The following LRP1B variants were observed in gnomAD, a reference collection of about 807,000 sequenced individuals.
LRP1B encodes LDL receptor related protein 1B.
LRP1B carries 217 observed loss-of-function variants against 556.6 expected under a neutral mutation model. The observed-to-expected ratio is 0.39, with a 90% CI of 0.35 to 0.44. The LOEUF (loss-of-function observed/expected upper bound fraction) is 0.44, where lower values mean the gene tolerates loss of function less well. Ranked by LOEUF, LRP1B falls within the 20% of genes least tolerant of loss-of-function variation. The probability of loss-of-function intolerance (pLI) is 1.00; values close to 1 mark genes in which losing one functional copy is unlikely to be tolerated. For missense variants in LRP1B, 5,053 were observed against 5,620.8 expected, an observed-to-expected ratio of 0.90 and a Z score of 3.23; for synonymous variants, 2,047 against 1,865.8, an observed-to-expected ratio of 1.10 and a Z score of -2.50.
At chr2:140,931,699 T>G (rs1400825079) in intron 20 of LRP1B, among the ~76,000 whole-genome samples, 2 of 152,126 alleles carry the variant, frequency 1.3e-5, no homozygotes, top group Admixed American at 6.6e-5. Context: ...CGAAGCAAAA[T>G]CTACATAAAA....
intron 66 of LRP1B, among the ~76,000 whole-genome samples, chr2:140,415,204 G>T (rs769637018): frequency 4.8e-4 from 73 of 151,824 alleles, no homozygotes; most frequent in Non-Finnish European, 9.0e-4. Context: ...GACAATACTT[G>T]CACTGCTGAA....
At chr2:140,783,787 G>A (rs1056005246) in intron 32 of LRP1B, among the ~76,000 whole-genome samples, 1 of 152,144 alleles carries the variant, frequency 6.6e-6, no homozygotes, top group Non-Finnish European at 1.5e-5. Flanking sequence ...CCAAGGGAGT[G>A]TCTTTCCTCA....
At chr2:141,508,790 A>G (rs550191427) in intron 2 of LRP1B, among the ~76,000 whole-genome samples, 105 of 152,280 alleles carry the variant, frequency 6.9e-4, no homozygotes, top group Non-Finnish European at 1.3e-3. Context: ...TTTGTATATT[A>G]GGAAGGCGGA....
At chr2:141,287,977 TATATGTATGTGTGGTGTGATGGCACC>T (rs1685784581) in intron 3 of LRP1B, among the ~76,000 whole-genome samples, 1 of 152,278 alleles carries the variant, frequency 6.6e-6, no homozygotes, top group Non-Finnish European at 1.5e-5. Flanking sequence ...AAACTGTGTT[TATATGTATGTGTGGTGTGATGGCACC>T]AGTGATTACA....
intron 1 of LRP1B, among the ~76,000 whole-genome samples, chr2:142,115,499 A>ATATTATATATTACATATATAAT (rs1559079373): frequency 1.2e-5 from 1 of 84,980 alleles, no homozygotes; most frequent in East Asian, 3.4e-4. Context: ...AATTATATAT[A>ATATTATATATTACATATATAAT]ATATATATTA....
At position 140,968,010 on chromosome 2, in the gene LRP1B, G is replaced by GTTGTATGTCTT. The variant is rs1482436778; in HGVS notation, c.2887+14149_2887+14150insAAGACATACAA. On this transcript the variant is annotated intron_variant, in intron 18 of 90. Coordinates refer to ENST00000389484, the MANE Select transcript of LRP1B (RefSeq NM_018557.3). Reference sequence around the variant, plus strand: ...TATTGGTCTAAAATTCTCTTTTTTTGCCAGGCTTTGGTATCAAGATGATGC... The same window carrying GTTGTATGTCTT: ...TATTGGTCTAAAATTCTCTTTTTTTGTTGTATGTCTTCCAGGCTTTGGTATCAAGATGATGC... Among the ~76,000 whole-genome samples the GTTGTATGTCTT allele has an allele frequency of 7.6e-5, 4 of 52,378 alleles. 1 individual carries two copies. The highest frequency in any genetic ancestry group is 1.8e-4 in the Non-Finnish European group (4 of 22,800). 34.4% of individuals were successfully genotyped at this position (52,378 alleles called of 152,430 possible).
chr2:141,321,149 G>A (rs988660008), intron 3 of LRP1B, among the ~76,000 whole-genome samples: 4 of 152,062 alleles, frequency 2.6e-5, no homozygotes, highest in Admixed American at 2.0e-4. Flanking sequence ...AGAATAAAGG[G>A]CATAAAGAGC....
chr2:141,172,072 G>A (rs1401652619), intron 7 of LRP1B, among the ~76,000 whole-genome samples: 1 of 152,120 alleles, frequency 6.6e-6, no homozygotes, highest in Non-Finnish European at 1.5e-5. Context: ...TTCGTGTTTA[G>A]ATAAATGATG....
rs2104892101 is a variant in LRP1B at position 140,501,879 on chromosome 2, A to G, written c.8663-5T>C. ...ATGAACTGTTGCATGACTGTTCTGG[A>G]AAAAAAATAAAACAAATGGAACATA... On this transcript the variant is annotated splice_region_variant and splice_polypyrimidine_tract_variant and intron_variant, in intron 54 of 90. Coordinates refer to ENST00000389484, the MANE Select transcript of LRP1B (RefSeq NM_018557.3). 1 of 1,570,160 alleles carries G rather than the reference A, an allele frequency of 6.4e-7. No homozygotes were observed. Among genetic ancestry groups the G allele is most frequent in the African/African-American group, 1.4e-5 (1 of 72,820 alleles).
intron 2 of LRP1B, among the ~76,000 whole-genome samples, chr2:141,647,361 C>T (rs1006052631): frequency 2.0e-5 from 3 of 152,100 alleles, no homozygotes; most frequent in Non-Finnish European, 4.4e-5. Flanking sequence ...ATAGAGGAAG[C>T]GTTTTCCACC....
intron 59 of LRP1B, among the ~76,000 whole-genome samples, chr2:140,484,399 A>T (rs537395286): frequency 6.6e-6 from 1 of 152,326 alleles, no homozygotes; most frequent in South Asian, 2.1e-4. Flanking sequence ...ATATGGTATG[A>T]TAAAAGCTGT....
At chr2:140,544,368 G>A (rs1281326595) in intron 43 of LRP1B, among the ~76,000 whole-genome samples, 3 of 151,908 alleles carry the variant, frequency 2.0e-5, no homozygotes, top group Admixed American at 2.0e-4. Context: ...TTGTTATACA[G>A]GTAAATTTGT....
chr2:141,291,855 CAAAAAA>C (rs143819331), intron 3 of LRP1B, among the ~76,000 whole-genome samples: 22 of 99,332 alleles, frequency 2.2e-4, no homozygotes, highest in African/African-American at 8.6e-4. Flanking sequence ...GACTCTGTCT[CAAAAAA>C]AAAAAAAAAA....
At chr2:140,944,356 C>T (rs1695483443) in intron 20 of LRP1B, among the ~76,000 whole-genome samples, 1 of 152,150 alleles carries the variant, frequency 6.6e-6, no homozygotes, top group South Asian at 2.1e-4. Context: ...AGAACAGGTA[C>T]CAATCCTACT....
chr2:141,785,461 A>C (rs1224081941), intron 2 of LRP1B, among the ~76,000 whole-genome samples: 1 of 151,878 alleles, frequency 6.6e-6, no homozygotes, highest in Non-Finnish European at 1.5e-5. Context: ...TCTGGAAAGG[A>C]AACTGTTAAA....
intron 3 of LRP1B, among the ~76,000 whole-genome samples, chr2:141,435,568 C>G (rs1216674676): frequency 6.6e-6 from 1 of 152,168 alleles, no homozygotes; most frequent in South Asian, 2.1e-4. Context: ...TTACCTTTCC[C>G]CTCAGGCATA....
chr2:141,483,828 A>C (rs1286862471), intron 2 of LRP1B, among the ~76,000 whole-genome samples: 1 of 150,288 alleles, frequency 6.7e-6, no homozygotes, highest in South Asian at 2.1e-4. Context: ...TTTTCTTGTA[A>C]ATTTGTTTGA....
chr2:141,850,202 T>A (rs913692271), intron 1 of LRP1B, among the ~76,000 whole-genome samples: 26 of 151,726 alleles, frequency 1.7e-4, no homozygotes, highest in Non-Finnish European at 3.7e-4. Context: ...TCCAACTTCA[T>A]CTTTCCCTGC....
At chr2:142,030,036 GA>G (rs11362272) in intron 1 of LRP1B, among the ~76,000 whole-genome samples, 135,198 of 146,766 alleles carry the variant, frequency 0.92, 62,336 homozygotes, top group Non-Finnish European at 0.94. Context: ...TCCTTTTTAG[GA>G]AAAAAAAAAA....
Sources: gnomAD v4.1 joint callset for allele counts (sites outside exome capture counted in the v4.1 genomes callset) on GRCh38, gnomAD v4.1.1 for gene constraint, MANE v1.5 for transcripts, NCBI Gene and HGNC (gene_info 2026-07-23, HGNC 2026-07-21) for gene names.